The following UVRAG variants were observed in gnomAD, a reference collection of about 807,000 sequenced individuals.
The protein encoded by UVRAG is UV radiation resistance associated.
Under a neutral mutation model 78.0 loss-of-function variants are expected in UVRAG, and 19 were observed. The observed-to-expected ratio is 0.24, with a 90% CI of 0.17 to 0.36. UVRAG has a LOEUF of 0.36. Among genes scored for constraint, UVRAG ranks in the 10% least tolerant of loss-of-function variants. UVRAG has a pLI of 1.00. For synonymous variants in UVRAG, 323 were observed against 324.6 expected, an observed-to-expected ratio of 1.00 and a Z score of 0.05; for missense variants, 740 against 853.8, an observed-to-expected ratio of 0.87 and a Z score of 1.66.
At position 76,060,999 on chromosome 11, in the gene UVRAG, G is replaced by A. The variant is rs1184867914; in HGVS notation, c.1227-4711G>A. ...AGCTCCACCTGCGGCCCTGGTGCGG[G>A]ATCTACTGGGTGAAGCCAGCTGGGC... On this transcript the variant is annotated intron_variant, in intron 12 of 14. Coordinates refer to ENST00000356136, the MANE Select transcript of UVRAG (RefSeq NM_003369.4). Among the ~76,000 whole-genome samples, 6 of 152,272 alleles carry A rather than the reference G, an allele frequency of 3.9e-5. No individual in the cohort carries two copies. In the East Asian group the frequency reaches 1.2e-3, roughly 29 times the overall value.
intron 13 of UVRAG, among the ~76,000 whole-genome samples, chr11:76,109,701 G>A (rs1011886374): frequency 6.6e-6 from 1 of 152,188 alleles, no homozygotes; most frequent in African/African-American, 2.4e-5. Flanking sequence ...TGGAGACTTA[G>A]TAAATGTAGT....
intron 4 of UVRAG, among the ~76,000 whole-genome samples, chr11:75,882,964 T>C (rs1029895851): frequency 7.2e-5 from 11 of 152,246 alleles, no homozygotes; most frequent in African/African-American, 2.4e-4. Flanking sequence ...ACTTTTGGTT[T>C]AGGCCAGGGC....
chr11:76,072,916 G>A (rs1212384687), intron 13 of UVRAG, among the ~76,000 whole-genome samples: 2 of 152,092 alleles, frequency 1.3e-5, no homozygotes, highest in Non-Finnish European at 2.9e-5. Flanking sequence ...GTCTGGGAGG[G>A]CGGAATTATT....
At chr11:75,936,144 T>C (rs1002375814) in intron 6 of UVRAG, among the ~76,000 whole-genome samples, 6 of 152,342 alleles carry the variant, frequency 3.9e-5, no homozygotes, top group Admixed American at 3.9e-4. Flanking sequence ...TGTTTTTGCA[T>C]CCTGTCAGAG....
intron 5 of UVRAG, among the ~76,000 whole-genome samples, chr11:75,897,527 T>A (rs1947368165): frequency 6.6e-6 from 1 of 152,142 alleles, no homozygotes; most frequent in Admixed American, 6.5e-5. Context: ...TTATTTTATT[T>A]ATTATTATTA....
chr11:76,125,378 A>C (rs900104550), intron 14 of UVRAG, among the ~76,000 whole-genome samples: 1 of 152,224 alleles, frequency 6.6e-6, no homozygotes, highest in African/African-American at 2.4e-5. Context: ...ACAGGAACAC[A>C]CAAGGCATAT....
chr11:75,840,645 GT>G (rs1189426998), intron 1 of UVRAG, among the ~76,000 whole-genome samples: 1 of 152,184 alleles, frequency 6.6e-6, no homozygotes, highest in Non-Finnish European at 1.5e-5. Flanking sequence ...AAAGGCTTTA[GT>G]TCCAAGGTTG....
chr11:75,890,376 A>G (rs1373457507), intron 5 of UVRAG, among the ~76,000 whole-genome samples: 3 of 152,194 alleles, frequency 2.0e-5, no homozygotes, highest in Non-Finnish European at 4.4e-5. Context: ...TAGAGAGAAG[A>G]TAGATTTAAG....
chr11:75,846,981 G>A (rs939663033), intron 1 of UVRAG, among the ~76,000 whole-genome samples: 2 of 151,944 alleles, frequency 1.3e-5, no homozygotes, highest in South Asian at 2.1e-4. Flanking sequence ...GTGCCACCAC[G>A]CCCGGCTAAT....
chr11:76,063,406 C>G (rs551074343), intron 12 of UVRAG, among the ~76,000 whole-genome samples: 4 of 152,312 alleles, frequency 2.6e-5, no homozygotes, highest in African/African-American at 9.6e-5. Context: ...CAGTTCTCCC[C>G]ACTAACCTCT....
At chr11:75,822,690 T>C (rs913649927) in intron 1 of UVRAG, among the ~76,000 whole-genome samples, 14 of 149,272 alleles carry the variant, frequency 9.4e-5, no homozygotes, top group Admixed American at 6.7e-5. Context: ...AAATAAACAA[T>C]ATTACACAGG....
chr11:76,005,262 G>C (rs779063957), intron 9 of UVRAG, among the ~76,000 whole-genome samples: 1 of 152,110 alleles, frequency 6.6e-6, no homozygotes, highest in South Asian at 2.1e-4. Flanking sequence ...AGAATGGCGT[G>C]AGCCCGGGCG....
intron 13 of UVRAG, among the ~76,000 whole-genome samples, chr11:76,088,846 C>T (rs1349829677): frequency 6.6e-6 from 1 of 152,160 alleles, no homozygotes; most frequent in Non-Finnish European, 1.5e-5. Context: ...TTTTAAAAAA[C>T]AAGTAATCGA....
rs563247046 is a variant in UVRAG, at chr11:75,881,565, C to T, written c.432+1525C>T. Among the ~76,000 whole-genome samples the T allele has an allele frequency of 1.1e-4, 17 of 152,304 alleles. No homozygotes were observed. In the South Asian group the frequency reaches 3.3e-3, roughly 30 times the overall value. On this transcript the variant is annotated intron_variant, in intron 4 of 14. Transcript: ENST00000356136. ...CCAAGCAGTTTCCAGCTTGAGTTTT[C>T]CTTAATGATTTTGGGGGCCCAAGAT...
chr11:75,920,078 T>C (rs924263142), intron 6 of UVRAG, among the ~76,000 whole-genome samples: 2 of 122,954 alleles, frequency 1.6e-5, no homozygotes, highest in African/African-American at 3.0e-5. Context: ...CAGCCTGGAG[T>C]GCAATGGTGT....
chr11:75,958,189 T>G (rs772185075), intron 6 of UVRAG, among the ~76,000 whole-genome samples: 9 of 152,180 alleles, frequency 5.9e-5, no homozygotes, highest in Non-Finnish European at 1.2e-4. Context: ...TTGGAGTGAT[T>G]GTGACAATTT....
intron 3 of UVRAG, among the ~76,000 whole-genome samples, chr11:75,875,003 C>T (rs1025881256): frequency 6.6e-6 from 1 of 152,214 alleles, no homozygotes; most frequent in Non-Finnish European, 1.5e-5. Context: ...CTAGTGATTA[C>T]TCCTATGTCT....
intron 3 of UVRAG, among the ~76,000 whole-genome samples, chr11:75,865,576 T>C (rs562024186): frequency 8.5e-5 from 13 of 152,212 alleles, no homozygotes; most frequent in African/African-American, 3.1e-4. Context: ...CTAGTAGATA[T>C]CATATTAGAC....
chr11:75,863,119 T>G (rs1354920836), intron 3 of UVRAG, among the ~76,000 whole-genome samples: 1 of 152,214 alleles, frequency 6.6e-6, no homozygotes, highest in Non-Finnish European at 1.5e-5. Context: ...TTCATCAAGC[T>G]GTCTTTGAAA....
Sources: gnomAD v4.1 joint callset for allele counts (sites outside exome capture counted in the v4.1 genomes callset) on GRCh38, gnomAD v4.1.1 for gene constraint, MANE v1.5 for transcripts, NCBI Gene and HGNC (gene_info 2026-07-23, HGNC 2026-07-21) for gene names.